RNF138: variants seen among roughly 807,000 people sequenced by gnomAD.
RNF138 encodes E3 ubiquitin-protein ligase RNF138.
In RNF138, 12 loss-of-function variants were observed where a neutral mutation model predicts 31.0. The observed-to-expected ratio is 0.39, with a 90% CI of 0.25 to 0.63. The LOEUF (loss-of-function observed/expected upper bound fraction) is 0.63. Ranked by LOEUF, RNF138 falls within the 20% of genes least tolerant of loss-of-function variation. RNF138 has a pLI of 0.52. For synonymous variants in RNF138, 105 were observed against 99.5 expected (o/e 1.06, Z -0.33); for missense variants, 192 against 300.1 (o/e 0.64, Z 2.66).
At chr18:32,095,097 G>A (rs879912616) in intron 2 of RNF138, among the ~76,000 whole-genome samples, 1 of 152,218 alleles carries the variant, frequency 6.6e-6, no homozygotes, top group Non-Finnish European at 1.5e-5. Flanking sequence ...TAATTTGGAA[G>A]AGGTGGTAAT....
In RNF138 at chr18:32,107,870, CT is replaced by C. The variant is rs1207198715; in HGVS notation, c.111-3875del. Among the ~76,000 whole-genome samples, 6 of 150,268 alleles carry C rather than the reference CT, an allele frequency of 4.0e-5. No individual in the cohort carries two copies. In the East Asian group the frequency reaches 5.9e-4, roughly 15 times the overall value. The stretch of plus-strand genomic sequence containing the variant: ...TATAACTACCCTTGTTTAAAGGGTA[CT>C]TTTTTTTTGGAGACGGATTCTCGCT... On this transcript the variant is annotated intron_variant, in intron 2 of 7. Transcript: ENST00000261593.
rs1195109197 is a variant in RNF138 at position 32,130,979 on chromosome 18, T to TTAA, written c.*1795_*1797dup. 2.2e-5 allele frequency: 2 copies of TTAA among 91,034 alleles called. No homozygotes were observed. Among genetic ancestry groups the TTAA allele is most frequent in the Non-Finnish European group, 4.7e-5 (2 of 42,322 alleles). 5.6% of individuals were successfully genotyped at this position (91,034 alleles called of 1,614,324 possible). Reference sequence around the variant, plus strand: ...TAACTTTCATAGTTTCTTTCAAAGTTTAATACATCCAATATGTCAAGTTAA... The same window carrying TTAA: ...TAACTTTCATAGTTTCTTTCAAAGTTTAATAATACATCCAATATGTCAAGTTAA... On this transcript the variant is annotated 3_prime_UTR_variant, in exon 8 of 8. Transcript: ENST00000261593.
intron 2 of RNF138, among the ~76,000 whole-genome samples, chr18:32,101,343 T>C (rs2039936620): frequency 6.6e-6 from 1 of 151,822 alleles, no homozygotes; most frequent in South Asian, 2.1e-4. Context: ...CTCAGTCTTC[T>C]GAGTAGCTGG....
At chr18:32,119,220 G>A (rs1190804097) in intron 4 of RNF138, among the ~76,000 whole-genome samples, 1 of 152,082 alleles carries the variant, frequency 6.6e-6, no homozygotes, top group Non-Finnish European at 1.5e-5. Context: ...AGGGGCAGTA[G>A]GAGGTGATCC....
chr18:32,128,025 C>T (rs1336460257), intron 7 of RNF138, among the ~76,000 whole-genome samples: 4 of 151,994 alleles, frequency 2.6e-5, no homozygotes, highest in African/African-American at 7.2e-5. Flanking sequence ...GCTTGCAGTG[C>T]GTGAAGATCA....
intron 2 of RNF138, among the ~76,000 whole-genome samples, chr18:32,101,506 T>C (rs1009479897): frequency 6.6e-6 from 1 of 152,170 alleles, no homozygotes; most frequent in Non-Finnish European, 1.5e-5. Flanking sequence ...TTTATTAACA[T>C]TTTATTTTTT....
chr18:32,111,200 C>A (rs16962693), intron 2 of RNF138, among the ~76,000 whole-genome samples: 4,398 of 152,348 alleles, frequency 0.029, 221 homozygotes, highest in African/African-American at 0.1. Flanking sequence ...CTTTGGGTAA[C>A]ACCTAACTTT....
rs752971550 is a variant in RNF138 at position 32,113,819 on chromosome 18, C to T, written c.351C>T (p.Ile117=). 1.2e-5 allele frequency: 19 copies of T among 1,565,828 alleles called. No homozygotes were observed. Among genetic ancestry groups the T allele is most frequent in the Non-Finnish European group, 1.6e-5 (18 of 1,155,090 alleles). ...AGGATGAATATGGTGTTTCTTCTAT[C>T]ATTCCAAACTTTCAGATCTCTCAAG... ...KYQDEYGVSS[I]IPNFQISQDS... The change falls in exon 4 of 8, where the codon ATC becomes ATT. Residue 117 remains isoleucine, a synonymous_variant. Coordinates refer to ENST00000261593, the MANE Select transcript of RNF138 (RefSeq NM_016271.5).
At chr18:32,115,079 T>G (rs933126839) in intron 4 of RNF138, among the ~76,000 whole-genome samples, 5 of 152,218 alleles carry the variant, frequency 3.3e-5, no homozygotes, top group Admixed American at 6.5e-5. Context: ...TTCTACTTTA[T>G]TGTAATTTCC....
In RNF138 at chr18:32,092,845, G is replaced by C; in HGVS notation, c.69G>C (p.Glu23Asp). The C allele has an allele frequency of 6.3e-7, 1 of 1,595,424 alleles. No homozygotes were observed. Among genetic ancestry groups the C allele is most frequent in the Non-Finnish European group, 8.5e-7 (1 of 1,173,700 alleles). ...ATTTCTACTGCCCCGTCTGTCAGGA[G>C]GTGCTCAAAACGCCCGTGCGGACCA... ...EDDFYCPVCQEVLKTPVRTTA... is the reference protein window; with the variant it reads ...EDDFYCPVCQDVLKTPVRTTA... Residue 23 changes from glutamate to aspartate, a missense_variant, in exon 2 of 8, where the codon GAG (glutamate) becomes GAC (aspartate). Transcript: ENST00000261593.
intron 2 of RNF138, among the ~76,000 whole-genome samples, chr18:32,093,105 G>GCTCCGGCTCTCCCGCT (rs563896162): frequency 2.3e-4 from 34 of 149,472 alleles, no homozygotes; most frequent in African/African-American, 8.0e-4. Context: ...CTCAGCCCAA[G>GCTCCGGCTCTCCCGCT]CTCCCGCTCT....
intron 2 of RNF138, among the ~76,000 whole-genome samples, chr18:32,093,143 GCTCTCCCT>G (rs1213645097): frequency 1.4e-4 from 21 of 144,834 alleles, no homozygotes; most frequent in African/African-American, 5.3e-4. Flanking sequence ...CCGCTCTCCC[GCTCTCCCT>G]GGCTTTCGCG....
chr18:32,098,780 G>A (rs113664706), intron 2 of RNF138, among the ~76,000 whole-genome samples: 12,008 of 151,242 alleles, frequency 0.079, 609 homozygotes, highest in African/African-American at 0.13. Flanking sequence ...ATGAACCCGG[G>A]AGGTGGAGCT....
intron 2 of RNF138, among the ~76,000 whole-genome samples, chr18:32,095,793 G>GCT (rs1233164216): frequency 6.6e-6 from 1 of 152,208 alleles, no homozygotes; most frequent in African/African-American, 2.4e-5. Context: ...GTTGTTGAAT[G>GCT]CTCTTTGTCT....
At chr18:32,115,433 A>T (rs755095445) in intron 4 of RNF138, among the ~76,000 whole-genome samples, 31 of 152,132 alleles carry the variant, frequency 2.0e-4, no homozygotes, top group Non-Finnish European at 3.7e-4. Context: ...CGCCAAAGTA[A>T]TATTAATGAA....
intron 3 of RNF138, among the ~76,000 whole-genome samples, chr18:32,112,508 A>G (rs904431008): frequency 2.6e-5 from 4 of 152,322 alleles, no homozygotes; most frequent in African/African-American, 7.2e-5. Flanking sequence ...CAACATGGTG[A>G]AACCCCGTCT....
rs879300622 is a variant in RNF138 at position 32,103,831 on chromosome 18, T to C, written c.111-7923T>C. Among the ~76,000 whole-genome samples, 3 of 143,752 alleles carry C rather than the reference T, an allele frequency of 2.1e-5. No homozygotes were observed. The East Asian group carries it at 6.5e-4, about 31-fold the overall frequency. 94.3% of individuals were successfully genotyped at this position (143,752 alleles called of 152,430 possible). On this transcript the variant is annotated intron_variant, in intron 2 of 7. Transcript: ENST00000261593. ...ACAAAAAAAAATTAGCCGGGCGCGG[T>C]GGCGGGCACCTGTAGTCCCAGCTAC...
intron 6 of RNF138, chr18:32,125,232 T>A (rs977510401): frequency 1.2e-5 from 2 of 160,194 alleles, no homozygotes; most frequent in East Asian, 3.5e-4. Context: ...TACCTGTAAG[T>A]AAGAATAAAG....
chr18:32,122,610 G>T (rs1253335017), intron 4 of RNF138, among the ~76,000 whole-genome samples: 1 of 152,066 alleles, frequency 6.6e-6, no homozygotes, highest in Non-Finnish European at 1.5e-5. Context: ...GATCACTTGA[G>T]CTCAGGAGTT....
Sources: gnomAD v4.1 joint callset for allele counts (sites outside exome capture counted in the v4.1 genomes callset) on GRCh38, gnomAD v4.1.1 for gene constraint, MANE v1.5 for transcripts, NCBI Gene and HGNC (gene_info 2026-07-23, HGNC 2026-07-21) for gene names.